Variants in NFYA observed in about 807,000 individuals in gnomAD.
The protein encoded by NFYA is CAAT-box DNA binding protein subunit A.
In NFYA, 28 loss-of-function variants were observed where a neutral mutation model predicts 52.8. That is an observed-to-expected ratio of 0.53 (90% CI 0.39 to 0.73). The LOEUF (loss-of-function observed/expected upper bound fraction) is 0.73. Among genes scored for constraint, NFYA ranks in the 30% least tolerant of loss-of-function variants. The probability of loss-of-function intolerance (pLI) is 0.00; values close to 1 mark genes in which losing one functional copy is unlikely to be tolerated. For missense variants in NFYA, 234 were observed against 427.0 expected, an observed-to-expected ratio of 0.55 and a Z score of 3.98; for synonymous variants, 150 against 150.7, an observed-to-expected ratio of 1.00 and a Z score of 0.03.
In NFYA at chr6:41,093,099, T is replaced by A. The variant is rs1469785910; in HGVS notation, c.888+14T>A. 8 of 1,611,672 alleles carry A rather than the reference T, an allele frequency of 5.0e-6. No individual in the cohort carries two copies. The highest frequency in any genetic ancestry group is 5.9e-6 in the Non-Finnish European group (7 of 1,178,466). ...AAGGAGAGAAGGGTATGTATAACAT[T>A]GGGAAGGATATAGGAAAGGAGAATA... On this transcript the variant is annotated intron_variant, in intron 8 of 9. Coordinates refer to ENST00000341376, the MANE Select transcript of NFYA (RefSeq NM_002505.5).
At chr6:41,077,123 T>C (rs981990541) in intron 1 of NFYA, among the ~76,000 whole-genome samples, 22 of 152,336 alleles carry the variant, frequency 1.4e-4, no homozygotes, top group African/African-American at 5.3e-4. Flanking sequence ...AACTTCTGGA[T>C]ATTAGTCAAG....
In NFYA at chr6:41,089,683, G is replaced by A; in HGVS notation, c.414G>A (p.Gln138=). The change falls in exon 5 of 10, where the codon CAG becomes CAA. Residue 138 remains glutamine, a synonymous_variant. Coordinates refer to ENST00000341376, the MANE Select transcript of NFYA (RefSeq NM_002505.5). ...AGCAGATCATCATCCAGCAGCCCCA[G>A]ACGGCTGTCACTGCTGGCCAGACTC... ...QTQQIIIQQP[Q]TAVTAGQTQT... The A allele has an allele frequency of 1.2e-6, 2 of 1,612,722 alleles. No individual in the cohort carries two copies. The highest frequency in any genetic ancestry group is 1.7e-6 in the Non-Finnish European group (2 of 1,179,992).
rs920182907 is a variant in NFYA at position 41,101,202 on chromosome 6, C to T, written c.*3792C>T. 3 of 152,326 alleles carry T rather than the reference C, an allele frequency of 2.0e-5. No homozygotes were observed. Among genetic ancestry groups the T allele is most frequent in the Non-Finnish European group, 4.4e-5 (3 of 68,110 alleles). 9.4% of individuals were successfully genotyped at this position (152,326 alleles called of 1,614,324 possible). A position where few individuals can be genotyped will look rare whatever the true frequency, so the allele number is the denominator to read the frequency against. ...GGGTGAGGGCGACGGCCGGCACTTG[C>T]ACTTAAGTCTCCTGGCCTGCGGGAG... On this transcript the variant is annotated 3_prime_UTR_variant, in exon 10 of 10. Coordinates refer to ENST00000341376, the MANE Select transcript of NFYA (RefSeq NM_002505.5).
chr6:41,078,408 A>G (rs888677945), intron 1 of NFYA, among the ~76,000 whole-genome samples: 8 of 152,198 alleles, frequency 5.3e-5, no homozygotes, highest in Admixed American at 1.3e-4. Context: ...TCAGAGAGAA[A>G]GACCTATCTA....
intron 4 of NFYA, among the ~76,000 whole-genome samples, chr6:41,084,960 C>CA (rs575394348): frequency 0.011 from 1,571 of 148,622 alleles, 8 homozygotes; most frequent in Non-Finnish European, 0.016. Flanking sequence ...GATTCTGTCT[C>CA]AAAAAAAAAG....
chr6:41,073,594 CTG>C (rs1763615148), intron 1 of NFYA, among the ~76,000 whole-genome samples: 2 of 152,132 alleles, frequency 1.3e-5, no homozygotes, highest in Admixed American at 6.5e-5. Flanking sequence ...CGAGCCGGGT[CTG>C]TCTTATCTGC....
intron 4 of NFYA, among the ~76,000 whole-genome samples, chr6:41,088,423 C>CAA (rs34590854): frequency 0.014 from 929 of 64,602 alleles, 23 homozygotes; most frequent in African/African-American, 0.043. Flanking sequence ...ACTCCGTCTC[C>CAA]AAAAAAAAAA....
chr6:41,082,244 T>A (rs1763931000), intron 3 of NFYA, among the ~76,000 whole-genome samples: 1 of 152,226 alleles, frequency 6.6e-6, no homozygotes. Flanking sequence ...GAACATAAAT[T>A]AAGCCGAAAG....
intron 9 of NFYA, among the ~76,000 whole-genome samples, chr6:41,095,179 C>A (rs1223651371): frequency 6.6e-6 from 1 of 152,168 alleles, no homozygotes; most frequent in East Asian, 1.9e-4. Flanking sequence ...CCTACCCTTT[C>A]CCATTTGCAC....
At chr6:41,074,072 T>A (rs1165179917) in intron 1 of NFYA, among the ~76,000 whole-genome samples, 2 of 152,232 alleles carry the variant, frequency 1.3e-5, no homozygotes, top group Non-Finnish European at 2.9e-5. Flanking sequence ...TTTTGTGAAA[T>A]CTCCCTCCCT....
chr6:41,092,827 A>C, intron 7 of NFYA, 85 bp from the exon 8 acceptor site: 1 of 1,450,260 alleles, frequency 6.9e-7, no homozygotes, highest in Non-Finnish European at 9.3e-7. Context: ...GCATTTACAA[A>C]AAAAATGGAT....
At chr6:41,074,152 G>A (rs555693629) in intron 1 of NFYA, among the ~76,000 whole-genome samples, 1 of 151,634 alleles carries the variant, frequency 6.6e-6, no homozygotes, top group Admixed American at 6.6e-5. Flanking sequence ...ATGTTACTTT[G>A]TGTCAGGCTT....
intron 3 of NFYA, among the ~76,000 whole-genome samples, chr6:41,082,142 A>G (rs1480899557): frequency 6.6e-6 from 1 of 152,238 alleles, no homozygotes; most frequent in East Asian, 1.9e-4. Context: ...CATCCAGCAG[A>G]TAACTACCTC....
At chr6:41,077,272 G>A (rs1763761765) in intron 1 of NFYA, among the ~76,000 whole-genome samples, 1 of 152,110 alleles carries the variant, frequency 6.6e-6, no homozygotes, top group African/African-American at 2.4e-5. Context: ...TTTTAAATGT[G>A]TATTTTGATG....
In NFYA at chr6:41,080,803, G is replaced by A; in HGVS notation, c.76-8G>A. ...CATATTTCAAGCTCTTCCTGTTCCTGTTCTCAGCAGCAGGGTGGTGTCACT... is the reference window on the plus strand; with the variant it reads ...CATATTTCAAGCTCTTCCTGTTCCTATTCTCAGCAGCAGGGTGGTGTCACT... On this transcript the variant is annotated splice_region_variant and splice_polypyrimidine_tract_variant and intron_variant, in intron 2 of 9. Transcript: ENST00000341376. 1 of 1,611,870 alleles carries A rather than the reference G, an allele frequency of 6.2e-7. No homozygotes were observed. The highest frequency in any genetic ancestry group is 8.5e-7 in the Non-Finnish European group (1 of 1,178,122).
intron 4 of NFYA, among the ~76,000 whole-genome samples, chr6:41,089,224 TC>T (rs1764132517): frequency 6.6e-6 from 1 of 152,176 alleles, no homozygotes; most frequent in African/African-American, 2.4e-5. Context: ...CCTCAAGTGA[TC>T]CACCCACCTC....
In NFYA at chr6:41,094,624, A is replaced by G. The variant is rs566409102; in HGVS notation, c.990+127A>G. ...ACTCACATTCTCTAAACTGGATGCA[A>G]TCTTATGTCTCTTTAGATTATCTTT... On this transcript the variant is annotated intron_variant, in intron 9 of 9. Coordinates refer to ENST00000341376, the MANE Select transcript of NFYA (RefSeq NM_002505.5). The G allele has an allele frequency of 1.0e-4, 65 of 646,074 alleles. No individual in the cohort carries two copies. The African/African-American group carries it at 1.0e-3, about 10-fold the overall frequency. 40.0% of individuals were successfully genotyped at this position (646,074 alleles called of 1,614,324 possible). A position where few individuals can be genotyped will look rare whatever the true frequency, so the allele number is the denominator to read the frequency against.
At chr6:41,077,613 T>G (rs1439344590) in intron 1 of NFYA, among the ~76,000 whole-genome samples, 1 of 152,234 alleles carries the variant, frequency 6.6e-6, no homozygotes, top group Admixed American at 6.5e-5. Flanking sequence ...ACAGTCTGGC[T>G]GAAAACCTGA....
In NFYA at chr6:41,097,613, C is replaced by T; in HGVS notation, c.*203C>T. On this transcript the variant is annotated 3_prime_UTR_variant, in exon 10 of 10. Coordinates refer to ENST00000341376, the MANE Select transcript of NFYA (RefSeq NM_002505.5). ...GTTGCAAGCCTTTGTCTTACTCTTT[C>T]AGTCAGGACCTATTTCAGACTGTTG... The T allele has an allele frequency of 3.6e-6, 2 of 559,380 alleles. No individual in the cohort carries two copies. Among genetic ancestry groups the T allele is most frequent in the Admixed American group, 6.5e-5 (2 of 30,884 alleles). 34.7% of individuals were successfully genotyped at this position (559,380 alleles called of 1,614,324 possible). A position where few individuals can be genotyped will look rare whatever the true frequency, so the allele number is the denominator to read the frequency against.
Sources: gnomAD v4.1 joint callset for allele counts (sites outside exome capture counted in the v4.1 genomes callset) on GRCh38, gnomAD v4.1.1 for gene constraint, MANE v1.5 for transcripts, NCBI Gene and HGNC (gene_info 2026-07-23, HGNC 2026-07-21) for gene names.